Variants in CCND2 observed in about 807,000 individuals in gnomAD.
CCND2 encodes G1/S-specific cyclin-D2.
In CCND2, 6 loss-of-function variants were observed where a neutral mutation model predicts 30.2. The observed-to-expected ratio is 0.20, with a 90% CI of 0.11 to 0.39. The LOEUF is 0.39. Among genes scored for constraint, CCND2 ranks in the 10% least tolerant of loss-of-function variants. The pLI, the probability that CCND2 is intolerant of heterozygous loss-of-function variation, is 1.00. For missense variants in CCND2, 235 were observed against 373.4 expected, an observed-to-expected ratio of 0.63 and a Z score of 3.06; for synonymous variants, 150 against 153.1, an observed-to-expected ratio of 0.98 and a Z score of 0.15.
At position 4,274,370 on chromosome 12, in the gene CCND2, C is replaced by A; in HGVS notation, c.195+135C>A. Reference sequence around the variant, plus strand: ...TCCTGTGCGGGAGTTTACCGCGCGCCTTCTGGCGAGACGCGTGGCTTTATT... The same window carrying A: ...TCCTGTGCGGGAGTTTACCGCGCGCATTCTGGCGAGACGCGTGGCTTTATT... On this transcript the variant is annotated intron_variant, in intron 1 of 4. Transcript: ENST00000261254. The surrounding 1 kb of genome is among the most constrained non-coding windows in gnomAD (Gnocchi z 7.7). The A allele has an allele frequency of 3.3e-6, 3 of 899,598 alleles. No individual in the cohort carries two copies. Among genetic ancestry groups the A allele is most frequent in the Non-Finnish European group, 5.2e-6 (3 of 578,884 alleles). 55.7% of individuals were successfully genotyped at this position (899,598 alleles called of 1,614,324 possible). A position where few individuals can be genotyped will look rare whatever the true frequency, so the allele number is the denominator to read the frequency against.
chr12:4,294,064 T>C (rs903186893), intron 4 of CCND2, among the ~76,000 whole-genome samples: 1 of 152,124 alleles, frequency 6.6e-6, no homozygotes, highest in African/African-American at 2.4e-5. Context: ...CAGCCCTTTG[T>C]CCCCCTGTTG....
At chr12:4,292,870 G>C (rs1263719726) in intron 4 of CCND2, among the ~76,000 whole-genome samples, 3 of 152,088 alleles carry the variant, frequency 2.0e-5, no homozygotes, top group Admixed American at 6.6e-5. Context: ...GCTGAATCGG[G>C]GTCCTCTTCC....
Position 4,300,405 on chromosome 12 carries a change from T to C in CCND2, c.*396T>C. 4.1e-6 allele frequency: 1 copy of C among 242,996 alleles called. No homozygotes were observed. 15.1% of individuals were successfully genotyped at this position (242,996 alleles called of 1,614,324 possible). On this transcript the variant is annotated 3_prime_UTR_variant, in exon 5 of 5. Transcript: ENST00000261254. ...CACATACACCCCCTTGTAGTATAATTTCAAGGAACTGTGTACGCCATTTAT... is the reference window on the plus strand; with the variant it reads ...CACATACACCCCCTTGTAGTATAATCTCAAGGAACTGTGTACGCCATTTAT...
chr12:4,282,229 A>G lies in CCND2; in HGVS notation c.571+3310A>G, dbSNP rs1863958204. 2.0e-5 allele frequency among the ~76,000 whole-genome samples: 3 copies of G among 152,110 alleles called. No individual in the cohort carries two copies. Among genetic ancestry groups the G allele is most frequent in the African/African-American group, 4.8e-5 (2 of 41,422 alleles). On this transcript the variant is annotated intron_variant, in intron 3 of 4. Transcript: ENST00000261254. The surrounding 1 kb of genome is among the most constrained non-coding windows in gnomAD (Gnocchi z 4.3). ...ATTGAGTTTACACCTGGCACCGGGT[A>G]GGGGGAGGTGCTCACCCTCCCTCTC...
rs1440384729 is a variant in CCND2, at chr12:4,285,744, T to C, written c.572-3098T>C. 2.0e-5 allele frequency among the ~76,000 whole-genome samples: 3 copies of C among 152,246 alleles called. No homozygotes were observed. Among genetic ancestry groups the C allele is most frequent in the Non-Finnish European group, 4.4e-5 (3 of 68,052 alleles). The stretch of plus-strand genomic sequence containing the variant: ...TCCACAGTTGAGGGTGGGGGTTGGC[T>C]AATTACAGCTAGGAAGCTAGTGCAC... On this transcript the variant is annotated intron_variant, in intron 3 of 4. Transcript: ENST00000261254. The surrounding 1 kb of genome is among the most constrained non-coding windows in gnomAD (Gnocchi z 4.1).
rs1591651487 is a variant in CCND2 at position 4,299,407 on chromosome 12, A to T, written c.721-453A>T. On this transcript the variant is annotated intron_variant, in intron 4 of 4. Transcript: ENST00000261254. This position sits in a 1 kb window ranked among gnomAD's most constrained non-coding sequence, Gnocchi z 5.2. ...ACGTTGGTTCATTGGCTTCCTTCTT[A>T]TCTAGTTCTCGGGCTGAGTTTGCTA... Among the ~76,000 whole-genome samples, 1 of 152,150 alleles carries T rather than the reference A, an allele frequency of 6.6e-6. No homozygotes were observed. Among genetic ancestry groups the T allele is most frequent in the East Asian group, 1.9e-4 (1 of 5,196 alleles).
rs1369110104 is a variant in CCND2, at chr12:4,287,178, C to T, written c.572-1664C>T. Among the ~76,000 whole-genome samples, 2 of 152,112 alleles carry T rather than the reference C, an allele frequency of 1.3e-5. No homozygotes were observed. The highest frequency in any genetic ancestry group is 2.9e-5 in the Non-Finnish European group (2 of 68,016). On this transcript the variant is annotated intron_variant, in intron 3 of 4. Coordinates refer to ENST00000261254, the MANE Select transcript of CCND2 (RefSeq NM_001759.4). The surrounding 1 kb of genome is among the most constrained non-coding windows in gnomAD (Gnocchi z 4.0). ...TCAAGAGGTGGAGATGGTGAGAGGGCAATGGAGAAAAAGCCAAGGAGACAG... is the reference window on the plus strand; with the variant it reads ...TCAAGAGGTGGAGATGGTGAGAGGGTAATGGAGAAAAAGCCAAGGAGACAG...
intron 4 of CCND2, among the ~76,000 whole-genome samples, chr12:4,292,941 T>C (rs754522010): frequency 2.6e-5 from 4 of 152,184 alleles, no homozygotes; most frequent in Admixed American, 6.5e-5. Context: ...TCCTTGTCTA[T>C]AGAACCTCTT....
intron 3 of CCND2, among the ~76,000 whole-genome samples, chr12:4,283,058 G>T (rs1012848268): frequency 1.3e-5 from 2 of 152,224 alleles, no homozygotes; most frequent in Admixed American, 1.3e-4. Context: ...GGCCACCATA[G>T]CCAAAATGAT....
In CCND2 at chr12:4,293,475, A is replaced by G. The variant is rs1166623841; in HGVS notation, c.720+4485A>G. Among the ~76,000 whole-genome samples the G allele has an allele frequency of 6.6e-6, 1 of 152,232 alleles. No individual in the cohort carries two copies. Among genetic ancestry groups the G allele is most frequent in the Non-Finnish European group, 1.5e-5 (1 of 68,042 alleles). On this transcript the variant is annotated intron_variant, in intron 4 of 4. Coordinates refer to ENST00000261254, the MANE Select transcript of CCND2 (RefSeq NM_001759.4). This position sits in a 1 kb window ranked among gnomAD's most constrained non-coding sequence, Gnocchi z 4.9. ...GTTTGTTACGTGGATATATCGTGTG[A>G]TGCTGAGGTTTGGGCTTCAGTCGAA...
In CCND2 at chr12:4,299,058, A is replaced by ATTT. The variant is rs11392498; in HGVS notation, c.721-793_721-791dup. ...GGTAAAGAAGCAGAAAAAGTTGGGG[A>ATTT]TTTTTTTTTTTAAGTATTTACAGTG... On this transcript the variant is annotated intron_variant, in intron 4 of 4. Transcript: ENST00000261254. The surrounding 1 kb of genome is among the most constrained non-coding windows in gnomAD (Gnocchi z 5.2). 6.7e-6 allele frequency among the ~76,000 whole-genome samples: 1 copy of ATTT among 149,396 alleles called. No homozygotes were observed. The highest frequency in any genetic ancestry group is 1.9e-4 in the East Asian group (1 of 5,130).
At chr12:4,292,444 G>A (rs930428647) in intron 4 of CCND2, among the ~76,000 whole-genome samples, 20 of 152,230 alleles carry the variant, frequency 1.3e-4, no homozygotes, top group South Asian at 4.2e-4. Context: ...GGGTTAGGTC[G>A]TGGGTTGTCG....
chr12:4,302,953 ACT>A lies in CCND2; in HGVS notation c.*2948_*2949del, dbSNP rs1864270508. 8.6e-6 allele frequency: 2 copies of A among 233,046 alleles called. No individual in the cohort carries two copies. The highest frequency in any genetic ancestry group is 1.7e-5 in the Non-Finnish European group (2 of 118,062). 14.4% of individuals were successfully genotyped at this position (233,046 alleles called of 1,614,324 possible). On this transcript the variant is annotated 3_prime_UTR_variant, in exon 5 of 5. Transcript: ENST00000261254. ...CTCAAGAGCCAGCTTTGCTCAGCAC[ACT>A]CTCCTGGGCCCCAAGGAGTCCCACG...
chr12:4,295,550 G>A (rs1864157953), intron 4 of CCND2, among the ~76,000 whole-genome samples: 1 of 152,232 alleles, frequency 6.6e-6, no homozygotes, highest in Non-Finnish European at 1.5e-5. Context: ...GCCAAGGCGG[G>A]TGGATCATCT....
rs1424296322 is a variant in CCND2, at chr12:4,304,226, G to A, written c.*4217G>A. 2 of 233,730 alleles carry A rather than the reference G, an allele frequency of 8.6e-6. No individual in the cohort carries two copies. The highest frequency in any genetic ancestry group is 1.8e-4 in the South Asian group (1 of 5,526). The allele number at this position is 233,730 out of a possible 1,614,324, so 14.5% of individuals were successfully genotyped here. A position where few individuals can be genotyped will look rare whatever the true frequency, so the allele number is the denominator to read the frequency against. On this transcript the variant is annotated 3_prime_UTR_variant, in exon 5 of 5. Coordinates refer to ENST00000261254, the MANE Select transcript of CCND2 (RefSeq NM_001759.4). This position sits in a 1 kb window ranked among gnomAD's most constrained non-coding sequence, Gnocchi z 6.2. ...AGTTCAAGAAGATAATATTGGTAGT[G>A]TGGGAATTGGAGGTAGGAAGGGGAG...
rs993857173 is a variant in CCND2, at chr12:4,287,928, C to T, written c.572-914C>T. ...CTCTAGCATGGCAGTGGACGGGGTT[C>T]AAGCCCCTCTGATTTATTATCCTCA... On this transcript the variant is annotated intron_variant, in intron 3 of 4. Transcript: ENST00000261254. This position sits in a 1 kb window ranked among gnomAD's most constrained non-coding sequence, Gnocchi z 4.0. 1.3e-5 allele frequency among the ~76,000 whole-genome samples: 2 copies of T among 152,214 alleles called. No individual in the cohort carries two copies. The highest frequency in any genetic ancestry group is 2.9e-5 in the Non-Finnish European group (2 of 68,028).
chr12:4,291,109 C>T (rs1864095049), intron 4 of CCND2, among the ~76,000 whole-genome samples: 1 of 151,888 alleles, frequency 6.6e-6, no homozygotes, highest in South Asian at 2.1e-4. Context: ...AAATCTGAGC[C>T]CTCAGGAAGT....
intron 4 of CCND2, 34 bp downstream of exon 4, chr12:4,289,024 A>G (rs769975071): frequency 6.3e-7 from 1 of 1,580,786 alleles, no homozygotes; most frequent in South Asian, 1.1e-5. Context: ...CTAAGTCCAG[A>G]TGTCTCTTCT....
intron 4 of CCND2, among the ~76,000 whole-genome samples, chr12:4,292,763 G>T (rs1177924792): frequency 6.6e-6 from 1 of 152,120 alleles, no homozygotes; most frequent in Non-Finnish European, 1.5e-5. Context: ...TGGCTGTAGG[G>T]GGGACGTCTA....
Sources: gnomAD v4.1 joint callset for allele counts (sites outside exome capture counted in the v4.1 genomes callset) on GRCh38, gnomAD v4.1.1 for gene constraint, Gnocchi (gnomAD v3.1) non-coding constraint, MANE v1.5 for transcripts, NCBI Gene and HGNC (gene_info 2026-07-23, HGNC 2026-07-21) for gene names.